The following C10orf90 variants were observed in gnomAD, a reference collection of about 807,000 sequenced individuals.
C10orf90 encodes (E2-independent) E3 ubiquitin-conjugating enzyme FATS.
In C10orf90, 56 loss-of-function variants were observed where a neutral mutation model predicts 62.5. That is an observed-to-expected ratio of 0.90 (90% CI 0.72 to 1.12). The LOEUF is 1.12. C10orf90 is among the 50% of genes most tolerant of loss of function. The pLI is 0.00. For missense variants in C10orf90, 970 were observed against 880.4 expected (o/e 1.10, Z -1.29); for synonymous variants, 386 against 340.4 (o/e 1.13, Z -1.47).
intron 2 of C10orf90, among the ~76,000 whole-genome samples, chr10:126,532,204 T>C (rs1053775650): frequency 2.0e-5 from 3 of 152,214 alleles, no homozygotes; most frequent in Admixed American, 1.3e-4. Flanking sequence ...CAGCCTGCCA[T>C]GTCCCTAACT....
At chr10:126,472,489 A>G (rs562786834) in intron 4 of C10orf90, among the ~76,000 whole-genome samples, 2 of 152,128 alleles carry the variant, frequency 1.3e-5, no homozygotes, top group African/African-American at 2.4e-5. Context: ...CCACTGACAC[A>G]TAACAGCACA....
At chr10:126,588,206 GAC>G (rs1208566363) in intron 2 of C10orf90, among the ~76,000 whole-genome samples, 1 of 152,214 alleles carries the variant, frequency 6.6e-6, no homozygotes, top group Non-Finnish European at 1.5e-5. Context: ...CTCTCCCTGG[GAC>G]AGAGTCCCCA....
chr10:126,514,794 C>G (rs1863347615), intron 2 of C10orf90, among the ~76,000 whole-genome samples: 1 of 152,118 alleles, frequency 6.6e-6, no homozygotes. Context: ...TCTCCACCCC[C>G]CATCTCTAAA....
Position 126,547,761 on chromosome 10 carries a change from GA to G in C10orf90, c.314-33823del, listed in dbSNP as rs560564344. Among the ~76,000 whole-genome samples, 17 of 152,188 alleles carry G rather than the reference GA, an allele frequency of 1.1e-4. No homozygotes were observed. The East Asian group carries it at 3.1e-3, about 28-fold the overall frequency. ...AAAAGCTCAGTAAAGAAGCTCAGCA[GA>G]AGAATGGAAGGTACTTAGGAAAGAA... is the stretch of plus-strand genomic sequence containing the variant. On this transcript the variant is annotated intron_variant, in intron 2 of 9. Coordinates refer to ENST00000488181, the MANE Select transcript of C10orf90 (RefSeq NM_001350921.2).
chr10:126,667,141 C>T (rs928267047), intron 1 of C10orf90, among the ~76,000 whole-genome samples: 1 of 151,854 alleles, frequency 6.6e-6, no homozygotes, highest in African/African-American at 2.4e-5. Flanking sequence ...TCATTGCAAG[C>T]TCTGCCTCCC....
intron 7 of C10orf90, among the ~76,000 whole-genome samples, chr10:126,442,478 C>CATGTATATATATATATATATATATAT (rs1858410848): frequency 3.0e-5 from 1 of 33,810 alleles, no homozygotes. Flanking sequence ...TTCAATATTT[C>CATGTATATATATATATATATATATAT]ATATATATAT....
rs186176902 is a variant in C10orf90, at chr10:126,619,263, T to C, written c.313+27302A>G. Among the ~76,000 whole-genome samples, 191 of 152,302 alleles carry C rather than the reference T, an allele frequency of 1.3e-3. 1 individual carries two copies. Among genetic ancestry groups the C allele is most frequent in the Middle Eastern group, 0.01 (3 of 294 alleles). On this transcript the variant is annotated intron_variant, in intron 2 of 9. Coordinates refer to ENST00000488181, the MANE Select transcript of C10orf90 (RefSeq NM_001350921.2). ...AGAATAACTGTCATGGATAGTCTTATGCACGCCCTCCAGGACACATAGGCA... is the reference window on the plus strand; with the variant it reads ...AGAATAACTGTCATGGATAGTCTTACGCACGCCCTCCAGGACACATAGGCA...
At chr10:126,641,288 AG>A (rs2133843796) in intron 2 of C10orf90, among the ~76,000 whole-genome samples, 1 of 152,318 alleles carries the variant, frequency 6.6e-6, no homozygotes, top group South Asian at 2.1e-4. Flanking sequence ...CTAATGAAAT[AG>A]AAACTGTTGT....
At chr10:126,507,300 T>C (rs1862799563) in intron 3 of C10orf90, among the ~76,000 whole-genome samples, 1 of 135,852 alleles carries the variant, frequency 7.4e-6, no homozygotes, top group Admixed American at 8.5e-5. Flanking sequence ...GAGCTTGCAG[T>C]GAGCCAAGAT....
chr10:126,526,330 C>T lies in C10orf90; in HGVS notation c.314-12391G>A, dbSNP rs553991038. On this transcript the variant is annotated intron_variant, in intron 2 of 9. Transcript: ENST00000488181. ...TGCAATCTCGGCTTGCTGCAAGCTC[C>T]GCCTCCCAGGCTCACGCCATTCTCC... Among the ~76,000 whole-genome samples the T allele has an allele frequency of 4.1e-4, 62 of 151,780 alleles. 1 individual carries two copies. Among genetic ancestry groups the T allele is most frequent in the African/African-American group, 1.1e-3 (46 of 41,424 alleles).
intron 2 of C10orf90, among the ~76,000 whole-genome samples, chr10:126,548,418 G>C (rs547650026): frequency 3.9e-5 from 6 of 152,284 alleles, no homozygotes; most frequent in African/African-American, 1.2e-4. Context: ...CCAGGCTGGA[G>C]TACAGTGGCG....
At chr10:126,626,975 A>T (rs1225115763) in intron 2 of C10orf90, among the ~76,000 whole-genome samples, 5 of 149,972 alleles carry the variant, frequency 3.3e-5, no homozygotes, top group South Asian at 2.1e-4. Context: ...GCTGTGATTT[A>T]GATTTTTCTT....
chr10:126,436,715 A>G (rs1011732739), intron 7 of C10orf90, among the ~76,000 whole-genome samples: 1 of 152,118 alleles, frequency 6.6e-6, no homozygotes, highest in African/African-American at 2.4e-5. Context: ...AGGGTGGAGT[A>G]CAGTGGCACA....
chr10:126,617,261 C>T (rs1234027610), intron 2 of C10orf90, among the ~76,000 whole-genome samples: 2 of 152,170 alleles, frequency 1.3e-5, no homozygotes, highest in Non-Finnish European at 2.9e-5. Context: ...AATTTGGTCT[C>T]CAACCAGAGC....
intron 7 of C10orf90, among the ~76,000 whole-genome samples, chr10:126,449,726 C>T (rs530680053): frequency 2.6e-5 from 4 of 152,174 alleles, no homozygotes; most frequent in South Asian, 4.2e-4. Context: ...GGGCCAGGCG[C>T]GATGGCTCAT....
chr10:126,565,270 ATATAT>A (rs1440995960), intron 2 of C10orf90, among the ~76,000 whole-genome samples: 5 of 72,506 alleles, frequency 6.9e-5, no homozygotes, highest in East Asian at 4.4e-4. Context: ...TATTTATATT[ATATAT>A]TATATTATAT....
intron 2 of C10orf90, among the ~76,000 whole-genome samples, chr10:126,593,351 C>G (rs535418936): frequency 6.6e-6 from 1 of 152,292 alleles, no homozygotes; most frequent in East Asian, 1.9e-4. Flanking sequence ...GAATACTATG[C>G]AGCCATAAAA....
chr10:126,642,820 C>T (rs747040750), intron 2 of C10orf90, among the ~76,000 whole-genome samples: 19 of 152,122 alleles, frequency 1.2e-4, no homozygotes, highest in East Asian at 3.9e-4. Flanking sequence ...ACCTCTCACA[C>T]GTAGAGTTTC....
chr10:126,574,670 A>G (rs544869446), intron 2 of C10orf90, among the ~76,000 whole-genome samples: 3 of 152,204 alleles, frequency 2.0e-5, no homozygotes, highest in East Asian at 3.9e-4. Flanking sequence ...AGTAACACAA[A>G]TGTCTTAAAA....
Sources: allele counts gnomAD v4.1 joint callset (sites outside exome capture counted in the v4.1 genomes callset), GRCh38; gene constraint gnomAD v4.1.1; transcripts MANE v1.5; gene names NCBI Gene and HGNC (gene_info 2026-07-23, HGNC 2026-07-21).